ZDHHC2: variants seen among roughly 807,000 people sequenced by gnomAD.
The protein encoded by ZDHHC2 is zDHHC palmitoyltransferase 2.
Under a neutral mutation model 55.6 loss-of-function variants are expected in ZDHHC2, and 51 were observed. The ratio of observed to expected loss-of-function variants is 0.92; its 90% CI spans 0.73 to 1.16. The LOEUF (loss-of-function observed/expected upper bound fraction) is 1.16, where lower values mean the gene tolerates loss of function less well. Among genes scored for constraint, ZDHHC2 ranks in the 50% most tolerant of loss-of-function variants. The probability of loss-of-function intolerance (pLI) is 0.00; values close to 1 mark genes in which losing one functional copy is unlikely to be tolerated. For missense variants in ZDHHC2, 491 were observed against 442.4 expected (o/e 1.11, Z -0.99); for synonymous variants, 199 against 152.9 (o/e 1.30, Z -2.22).
intron 11 of ZDHHC2, among the ~76,000 whole-genome samples, chr8:17,215,860 T>G (rs992997549): frequency 6.6e-6 from 1 of 152,204 alleles, no homozygotes; most frequent in Non-Finnish European, 1.5e-5. Flanking sequence ...ATCTTTTGTT[T>G]TCTTCAGTCA....
intron 7 of ZDHHC2, among the ~76,000 whole-genome samples, chr8:17,207,036 C>T (rs1807133385): frequency 1.3e-5 from 2 of 152,144 alleles, no homozygotes; most frequent in African/African-American, 2.4e-5. Context: ...CCTCACTGCT[C>T]CTCCTTCCTG....
intron 1 of ZDHHC2, among the ~76,000 whole-genome samples, chr8:17,165,925 G>C (rs1379868051): frequency 6.6e-6 from 1 of 152,178 alleles, no homozygotes; most frequent in Non-Finnish European, 1.5e-5. Flanking sequence ...ACAGAGGCAG[G>C]GGTCAGCCCA....
intron 12 of ZDHHC2, among the ~76,000 whole-genome samples, chr8:17,219,077 C>G (rs866050720): frequency 6.6e-6 from 1 of 151,548 alleles, no homozygotes; most frequent in Non-Finnish European, 1.5e-5. Context: ...AGGTGAAACC[C>G]CATCTCTACT....
intron 6 of ZDHHC2, among the ~76,000 whole-genome samples, chr8:17,198,877 TA>T (rs1360761108): frequency 1.3e-5 from 2 of 152,198 alleles, no homozygotes; most frequent in Non-Finnish European, 2.9e-5. Context: ...CACATAAATT[TA>T]AACAAGATTT....
At chr8:17,172,582 T>G (rs949252776) in intron 1 of ZDHHC2, among the ~76,000 whole-genome samples, 1 of 151,832 alleles carries the variant, frequency 6.6e-6, no homozygotes, top group Non-Finnish European at 1.5e-5. Context: ...AGATCTCAAG[T>G]CTTCTTAATG....
At chr8:17,187,654 T>G (rs1233388287) in intron 3 of ZDHHC2, among the ~76,000 whole-genome samples, 1 of 152,152 alleles carries the variant, frequency 6.6e-6, no homozygotes, top group Non-Finnish European at 1.5e-5. Context: ...CATATTTGCT[T>G]CTTTTCCATC....
chr8:17,162,566 G>T, intron 1 of ZDHHC2, among the ~76,000 whole-genome samples: 1 of 152,120 alleles, frequency 6.6e-6, no homozygotes, highest in Non-Finnish European at 1.5e-5. Flanking sequence ...CTTCTTGAGG[G>T]CTTGAGTAGG....
rs1794144218 is a variant in ZDHHC2 at position 17,220,387 on chromosome 8, T to G, written c.*166T>G. The G allele has an allele frequency of 6.7e-6, 1 of 149,990 alleles. No homozygotes were observed. The highest frequency in any genetic ancestry group is 1.9e-4 in the East Asian group (1 of 5,196). 9.3% of individuals were successfully genotyped at this position (149,990 alleles called of 1,614,324 possible). ...TCTCTCCAAGCCATTGCTTAAAATATAACATGTTTTGGATCCAATACACAC... is the reference window on the plus strand; with the variant it reads ...TCTCTCCAAGCCATTGCTTAAAATAGAACATGTTTTGGATCCAATACACAC... On this transcript the variant is annotated 3_prime_UTR_variant, in exon 13 of 13. Coordinates refer to ENST00000262096, the MANE Select transcript of ZDHHC2 (RefSeq NM_016353.5).
At chr8:17,194,721 T>G (rs924485975) in intron 3 of ZDHHC2, among the ~76,000 whole-genome samples, 9 of 152,220 alleles carry the variant, frequency 5.9e-5, no homozygotes, top group Non-Finnish European at 1.2e-4. Flanking sequence ...GTTTATTAAT[T>G]GTTAAATGCC....
In ZDHHC2 at chr8:17,199,586, T is replaced by TTTG. The variant is rs1806595787; in HGVS notation, c.476+1174_476+1175insTGT. Among the ~76,000 whole-genome samples, 6 of 60,222 alleles carry TTTG rather than the reference T, an allele frequency of 1.0e-4. 1 individual carries two copies. The East Asian group carries it at 1.3e-3, about 13-fold the overall frequency. The allele number at this position is 60,222 out of a possible 152,430, so 39.5% of individuals were successfully genotyped here. ...CTTCTTCGTCTTTGTCTTCTTCTTC[T>TTTG]TCTTTCTTCTTCTTTATTCTTTCTT... On this transcript the variant is annotated intron_variant, in intron 6 of 12. Transcript: ENST00000262096.
chr8:17,201,698 G>C (rs1308472948), intron 6 of ZDHHC2, among the ~76,000 whole-genome samples: 1 of 149,548 alleles, frequency 6.7e-6, no homozygotes, highest in African/African-American at 2.5e-5. Flanking sequence ...GGGTTTCACG[G>C]TGTTAGCCAG....
intron 6 of ZDHHC2, among the ~76,000 whole-genome samples, chr8:17,199,786 G>C (rs560104280): frequency 7.5e-6 from 1 of 133,302 alleles, no homozygotes; most frequent in African/African-American, 2.9e-5. Context: ...TTGAGACAGA[G>C]TCTCGCTCTG....
chr8:17,188,395 C>T (rs528087104), intron 3 of ZDHHC2, among the ~76,000 whole-genome samples: 4 of 152,286 alleles, frequency 2.6e-5, no homozygotes, highest in African/African-American at 4.8e-5. Flanking sequence ...GTCTCAATTT[C>T]TGACTTTATA....
chr8:17,199,547 G>GTCTTCGTCTTCA (rs1806570980), intron 6 of ZDHHC2, among the ~76,000 whole-genome samples: 1 of 19,962 alleles, frequency 5.0e-5, no homozygotes, highest in African/African-American at 4.7e-4. Context: ...TTCGTCTTCT[G>GTCTTCGTCTTCA]TCTTCGTCTT....
intron 4 of ZDHHC2, among the ~76,000 whole-genome samples, chr8:17,195,969 A>G (rs1806286644): frequency 6.6e-6 from 1 of 152,192 alleles, no homozygotes. Context: ...TATTTAATTT[A>G]AGGCAGCAGT....
chr8:17,175,890 G>A (rs1250855924), intron 1 of ZDHHC2, among the ~76,000 whole-genome samples: 2 of 152,236 alleles, frequency 1.3e-5, no homozygotes, highest in African/African-American at 2.4e-5. Context: ...GGAGTCAGGT[G>A]TGGAGCTTTT....
chr8:17,196,770 G>A (rs541115405), intron 4 of ZDHHC2, among the ~76,000 whole-genome samples: 1 of 152,080 alleles, frequency 6.6e-6, no homozygotes, highest in East Asian at 1.9e-4. Context: ...CCTGGGCGTG[G>A]TGGCGCATGC....
chr8:17,179,803 C>A (rs1047537940), intron 1 of ZDHHC2, among the ~76,000 whole-genome samples: 11 of 152,186 alleles, frequency 7.2e-5, no homozygotes, highest in Admixed American at 5.9e-4. Context: ...TTCTCTCTTC[C>A]TATATACCGT....
intron 1 of ZDHHC2, among the ~76,000 whole-genome samples, chr8:17,182,597 G>A (rs17116438): frequency 0.11 from 16,189 of 151,986 alleles, 990 homozygotes; most frequent in Non-Finnish European, 0.12. Context: ...TAAAAAAATA[G>A]AACATCTGTG....
Sources: gnomAD v4.1 joint callset for allele counts (sites outside exome capture counted in the v4.1 genomes callset) on GRCh38, gnomAD v4.1.1 for gene constraint, MANE v1.5 for transcripts, NCBI Gene and HGNC (gene_info 2026-07-23, HGNC 2026-07-21) for gene names.